Variants in CBX1 observed in about 807,000 individuals in gnomAD.
CBX1 encodes the protein chromobox 1, also known as chromobox protein homolog 1.
A neutral mutation model predicts 25.1 loss-of-function variants in CBX1; 10 were observed. The observed-to-expected ratio is 0.40, with a 90% confidence interval of 0.25 to 0.68. The LOEUF is 0.68. CBX1 is among the 30% of genes least tolerant of loss of function. The probability of loss-of-function intolerance (pLI) is 0.40; values close to 1 mark genes in which losing one functional copy is unlikely to be tolerated. For missense variants in CBX1, 106 were observed against 218.5 expected (o/e 0.49, Z 3.25); for synonymous variants, 63 against 79.4 (o/e 0.79, Z 1.10).
chr17:48,099,624 T>C lies in CBX1; in HGVS notation c.-38+1644A>G, dbSNP rs556370507. On this transcript the variant is annotated intron_variant, in intron 1 of 4. Transcript: ENST00000225603. ...AACACCGGCATTAATTTCCCCATTG[T>C]ATTCCTGAATCTATTCCAAAGCCTT... is the stretch of plus-strand genomic sequence containing the variant. Among the ~76,000 whole-genome samples the C allele has an allele frequency of 2.0e-5, 3 of 152,300 alleles. No homozygotes were observed. In the South Asian group the frequency reaches 6.2e-4, roughly 32 times the overall value.
intron 1 of CBX1, chr17:48,088,140 T>C (rs1247369412): frequency 6.7e-6 from 1 of 149,120 alleles, no homozygotes; most frequent in Non-Finnish European, 1.5e-5. Context: ...GAAACCCCCA[T>C]CTCTACTAAA....
At chr17:48,089,927 CT>C (rs1038383924) in intron 1 of CBX1, among the ~76,000 whole-genome samples, 38 of 145,512 alleles carry the variant, frequency 2.6e-4, no homozygotes, top group Admixed American at 2.8e-4. Context: ...TTATTTGTGA[CT>C]TTTTTTTTTT....
intron 1 of CBX1, among the ~76,000 whole-genome samples, chr17:48,098,982 T>C (rs2063391722): frequency 6.6e-6 from 1 of 152,232 alleles, no homozygotes; most frequent in Non-Finnish European, 1.5e-5. Flanking sequence ...AGAGGTATAG[T>C]TTGTAAGTTA....
At position 48,082,534 on chromosome 17, in the gene CBX1, G is replaced by A. The variant is rs535529916; in HGVS notation, c.-37-5493C>T. Among the ~76,000 whole-genome samples, 278 of 132,028 alleles carry A rather than the reference G, an allele frequency of 2.1e-3. 20 individuals carry two copies. Among genetic ancestry groups the A allele is most frequent in the African/African-American group, 8.3e-3 (266 of 31,942 alleles). The allele number at this position is 132,028 out of a possible 152,430, so 86.6% of individuals were successfully genotyped here. A position where few individuals can be genotyped will look rare whatever the true frequency, so the allele number is the denominator to read the frequency against. On this transcript the variant is annotated intron_variant, in intron 1 of 4. Coordinates refer to ENST00000225603, the MANE Select transcript of CBX1 (RefSeq NM_001127228.2). ...AAAAAAAAAAAAAAAAAGGAAAAAT[G>A]ATCTATAATTTTATTTATTTTTTTG...
In CBX1 at chr17:48,100,153, AAG is replaced by A. The variant is rs1555581055; in HGVS notation, c.-38+1113_-38+1114del. Among the ~76,000 whole-genome samples the A allele has an allele frequency of 4.6e-4, 69 of 151,038 alleles. 1 individual carries two copies. The highest frequency in any genetic ancestry group is 3.4e-3 in the Middle Eastern group (1 of 292). The stretch of plus-strand genomic sequence containing the variant: ...GACTCTTCTCAAAAAAAAAAAAAAA[AAG>A]AGGTAAAATATAGCTCACTCTATTC... On this transcript the variant is annotated intron_variant, in intron 1 of 4. Transcript: ENST00000225603.
chr17:48,084,954 T>C (rs866282767), intron 1 of CBX1, among the ~76,000 whole-genome samples: 9 of 152,060 alleles, frequency 5.9e-5, no homozygotes, highest in Non-Finnish European at 8.8e-5. Flanking sequence ...GAGTTACTAG[T>C]TGAAGCTAGT....
chr17:48,076,528 AGACATGGTGGTGCAT>A (rs2037675888), intron 2 of CBX1, among the ~76,000 whole-genome samples: 1 of 152,042 alleles, frequency 6.6e-6, no homozygotes. Flanking sequence ...CAACTAAGCG[AGACATGGTGGTGCAT>A]GCCTGTGGTA....
At chr17:48,080,102 GT>G (rs1260176088) in intron 1 of CBX1, among the ~76,000 whole-genome samples, 1 of 152,010 alleles carries the variant, frequency 6.6e-6, no homozygotes, top group African/African-American at 2.4e-5. Flanking sequence ...CAGTGCAATG[GT>G]GCTATCTCGG....
chr17:48,097,302 C>T (rs1287376546), intron 1 of CBX1, among the ~76,000 whole-genome samples: 2 of 150,932 alleles, frequency 1.3e-5, no homozygotes, highest in Non-Finnish European at 2.9e-5. Context: ...TAAGGATACA[C>T]CATTCTTGTC....
At chr17:48,071,873 T>A (rs958742882) in intron 4 of CBX1, among the ~76,000 whole-genome samples, 1 of 150,538 alleles carries the variant, frequency 6.6e-6, no homozygotes, top group African/African-American at 2.4e-5. Flanking sequence ...CATGACTCTC[T>A]AGATTCTCTG....
chr17:48,101,307 G>A lies in CBX1; in HGVS notation c.-77C>T, dbSNP rs910010823. On this transcript the variant is annotated 5_prime_UTR_variant, in exon 1 of 5. Transcript: ENST00000225603. The stretch of plus-strand genomic sequence containing the variant: ...CAAGAGCCCGAGAGGAATCGGTGCT[G>A]CGCTGCTGGCGCGTCGCGTCGGGTC... The A allele has an allele frequency of 8.4e-5, 83 of 986,466 alleles. No individual in the cohort carries two copies. The highest frequency in any genetic ancestry group is 7.7e-4 in the South Asian group (17 of 22,122). The allele number at this position is 986,466 out of a possible 1,614,324, so 61.1% of individuals were successfully genotyped here.
chr17:48,076,830 T>C (rs751290381), intron 2 of CBX1, 35 bp downstream of exon 2: 1 of 1,590,484 alleles, frequency 6.3e-7, no homozygotes, highest in African/African-American at 1.3e-5. Flanking sequence ...GATAAACACG[T>C]GGTGGCTACA....
Position 48,084,147 on chromosome 17 carries a change from A to G in CBX1, c.-37-7106T>C, listed in dbSNP as rs772962172. On this transcript the variant is annotated intron_variant, in intron 1 of 4. Transcript: ENST00000225603. ...CCACCAAACCTGGCTAATTTTTTCAATTTTTTCTGGTGGAGACAAGGTGTT... is the reference window on the plus strand; with the variant it reads ...CCACCAAACCTGGCTAATTTTTTCAGTTTTTTCTGGTGGAGACAAGGTGTT... Among the ~76,000 whole-genome samples the G allele has an allele frequency of 2.1e-4, 28 of 130,760 alleles. 1 individual carries two copies. In the Middle Eastern group the frequency reaches 0.021, roughly 97 times the overall value. The allele number at this position is 130,760 out of a possible 152,430, so 85.8% of individuals were successfully genotyped here.
At chr17:48,075,946 A>T in intron 3 of CBX1, 55 bp downstream of exon 3, 1 of 1,375,518 alleles carries the variant, frequency 7.3e-7, no homozygotes, top group Non-Finnish European at 1.0e-6. Flanking sequence ...GAACAAAACT[A>T]CTTTGACAGT....
rs2037621369 is a variant in CBX1 at position 48,071,135 on chromosome 17, C to T, written c.*300G>A. 2.2e-5 allele frequency: 5 copies of T among 230,424 alleles called. No individual in the cohort carries two copies. Among genetic ancestry groups the T allele is most frequent in the Non-Finnish European group, 3.4e-5 (4 of 117,712 alleles). The allele number at this position is 230,424 out of a possible 1,614,324, so 14.3% of individuals were successfully genotyped here. A position where few individuals can be genotyped will look rare whatever the true frequency, so the allele number is the denominator to read the frequency against. ...AGATCTACAGTATTTTTTTGCTCTC[C>T]CACACACCCAATTCTGCAAGTTTTG... On this transcript the variant is annotated 3_prime_UTR_variant, in exon 5 of 5. Transcript: ENST00000225603.
Position 48,101,335 on chromosome 17 carries a change from C to T in CBX1, c.-105G>A. Reference sequence around the variant, plus strand: ...CTGCTGGCGCGTCGCGTCGGGTCGCCTGGGGGAGTGGCGCCCAGGAAGGCA... The same window carrying T: ...CTGCTGGCGCGTCGCGTCGGGTCGCTTGGGGGAGTGGCGCCCAGGAAGGCA... On this transcript the variant is annotated 5_prime_UTR_variant, in exon 1 of 5. Transcript: ENST00000225603. The T allele has an allele frequency of 1.0e-6, 1 of 986,184 alleles. No homozygotes were observed. Among genetic ancestry groups the T allele is most frequent in the Non-Finnish European group, 1.2e-6 (1 of 830,056 alleles). The allele number at this position is 986,184 out of a possible 1,614,324, so 61.1% of individuals were successfully genotyped here. A position where few individuals can be genotyped will look rare whatever the true frequency, so the allele number is the denominator to read the frequency against.
At chr17:48,084,139 T>C (rs2037763549) in intron 1 of CBX1, among the ~76,000 whole-genome samples, 1 of 149,346 alleles carries the variant, frequency 6.7e-6, no homozygotes, top group Admixed American at 6.6e-5. Flanking sequence ...ACCTGGCTAA[T>C]TTTTTCAATT....
rs974857948 is a variant in CBX1 at position 48,084,629 on chromosome 17, G to A, written c.-37-7588C>T. On this transcript the variant is annotated intron_variant, in intron 1 of 4. Transcript: ENST00000225603. ...CTCATTTATTATTTACAATACTCCC[G>A]GCCGGGCATGGTGGCTCACGCCTGT... Among the ~76,000 whole-genome samples the A allele has an allele frequency of 6.7e-5, 10 of 149,316 alleles. 1 individual carries two copies. Among genetic ancestry groups the A allele is most frequent in the African/African-American group, 2.0e-4 (8 of 39,226 alleles).
chr17:48,084,201 CCTTTTT>C (rs2037765156), intron 1 of CBX1, among the ~76,000 whole-genome samples: 1 of 107,440 alleles, frequency 9.3e-6, no homozygotes, highest in Non-Finnish European at 1.8e-5. Context: ...CTCTTTCTTT[CCTTTTT>C]TTTTTTTTTT....
Sources: gnomAD v4.1 joint callset for allele counts (sites outside exome capture counted in the v4.1 genomes callset) on GRCh38, gnomAD v4.1.1 for gene constraint, MANE v1.5 for transcripts, NCBI Gene and HGNC (gene_info 2026-07-23, HGNC 2026-07-21) for gene names.